The following KCNIP4 variants were observed in gnomAD, a reference collection of about 807,000 sequenced individuals.
KCNIP4 encodes the protein potassium voltage-gated channel interacting protein 4.
A neutral mutation model predicts 34.0 loss-of-function variants in KCNIP4; 12 were observed. The ratio of observed to expected loss-of-function variants is 0.35; its 90% CI spans 0.23 to 0.57. The LOEUF is 0.57. Ranked by LOEUF, KCNIP4 falls within the 20% of genes least tolerant of loss-of-function variation. The pLI, the probability that KCNIP4 is intolerant of heterozygous loss-of-function variation, is 0.83. For synonymous variants in KCNIP4, 124 were observed against 102.2 expected (o/e 1.21, Z -1.29); for missense variants, 238 against 311.7 (o/e 0.76, Z 1.78).
intron 1 of KCNIP4, among the ~76,000 whole-genome samples, chr4:21,081,064 C>T (rs1173670241): frequency 6.6e-6 from 1 of 151,666 alleles, no homozygotes; most frequent in Non-Finnish European, 1.5e-5. Flanking sequence ...AGTTATTAGC[C>T]CATAAACTGT....
chr4:21,935,961 A>ATT (rs1193248932), intron 1 of KCNIP4, among the ~76,000 whole-genome samples: 7 of 79,824 alleles, frequency 8.8e-5, no homozygotes, highest in Admixed American at 1.3e-4. Context: ...AGAAATGAAG[A>ATT]TTATATATAT....
chr4:21,651,885 C>T (rs956421580), intron 1 of KCNIP4, among the ~76,000 whole-genome samples: 1 of 151,748 alleles, frequency 6.6e-6, no homozygotes, highest in Admixed American at 6.6e-5. Flanking sequence ...ATATATATAG[C>T]TATGTAATAC....
chr4:21,057,674 C>T (rs1037145619), intron 1 of KCNIP4, among the ~76,000 whole-genome samples: 2 of 152,148 alleles, frequency 1.3e-5, no homozygotes, highest in Non-Finnish European at 2.9e-5. Context: ...CAAAATAACA[C>T]ATAGCACAGT....
chr4:21,725,424 A>C (rs1213999036), intron 1 of KCNIP4, among the ~76,000 whole-genome samples: 2 of 152,154 alleles, frequency 1.3e-5, no homozygotes, highest in Non-Finnish European at 2.9e-5. Context: ...TTGGTTACAA[A>C]GGCAGCAAAA....
intron 1 of KCNIP4, among the ~76,000 whole-genome samples, chr4:21,445,996 T>A (rs1727952303): frequency 1.3e-5 from 2 of 152,138 alleles, no homozygotes; most frequent in Non-Finnish European, 2.9e-5. Flanking sequence ...AAGAAGACAT[T>A]TATGCAGCCA....
intron 1 of KCNIP4, among the ~76,000 whole-genome samples, chr4:21,752,925 G>C (rs1004019426): frequency 6.6e-6 from 1 of 152,160 alleles, no homozygotes; most frequent in Non-Finnish European, 1.5e-5. Context: ...TCTCAGTTGA[G>C]ATACCCCTGC....
At chr4:20,855,985 G>C (rs570376259) in intron 2 of KCNIP4, among the ~76,000 whole-genome samples, 1 of 152,216 alleles carries the variant, frequency 6.6e-6, no homozygotes, top group East Asian at 1.9e-4. Context: ...AGGCACCTAG[G>C]CATTAACAAA....
chr4:21,037,770 T>C (rs1399154854), intron 1 of KCNIP4, among the ~76,000 whole-genome samples: 1 of 152,060 alleles, frequency 6.6e-6, no homozygotes, highest in Admixed American at 6.5e-5. Context: ...TTAAGAAGCT[T>C]GGCAGAAAAA....
chr4:21,416,495 C>T (rs919658976), intron 1 of KCNIP4, among the ~76,000 whole-genome samples: 3 of 152,100 alleles, frequency 2.0e-5, no homozygotes, highest in East Asian at 3.9e-4. Flanking sequence ...GCACAGCAAG[C>T]CACTGAGAAC....
At chr4:21,242,901 TG>T (rs1759952656) in intron 1 of KCNIP4, among the ~76,000 whole-genome samples, 1 of 151,710 alleles carries the variant, frequency 6.6e-6, no homozygotes, top group African/African-American at 2.4e-5. Flanking sequence ...TGTGTGTGTG[TG>T]TGTGTGTGTG....
chr4:20,955,601 C>T (rs1376908264), intron 1 of KCNIP4, among the ~76,000 whole-genome samples: 2 of 151,880 alleles, frequency 1.3e-5, no homozygotes, highest in Non-Finnish European at 2.9e-5. Flanking sequence ...CCCATTCAAT[C>T]CAAAATACTG....
At chr4:21,524,778 G>T (rs1181325654) in intron 1 of KCNIP4, among the ~76,000 whole-genome samples, 1 of 151,672 alleles carries the variant, frequency 6.6e-6, no homozygotes, top group Non-Finnish European at 1.5e-5. Flanking sequence ...AGTGCTGTCT[G>T]TTTGCTTGAC....
Position 20,749,749 on chromosome 4 carries a change from G to A in KCNIP4, c.359-17C>T. The A allele has an allele frequency of 1.3e-6, 2 of 1,565,496 alleles. No individual in the cohort carries two copies. The highest frequency in any genetic ancestry group is 1.8e-6 in the Non-Finnish European group (2 of 1,139,300). On this transcript the variant is annotated splice_polypyrimidine_tract_variant and intron_variant, in intron 4 of 8. Transcript: ENST00000382152. ...TTGTAGAGTCTGAAATGGTAAAAAG[G>A]GAGTATCATTAAGTCAGTGTTTCCA...
chr4:21,593,971 C>A (rs1408916051), intron 1 of KCNIP4, among the ~76,000 whole-genome samples: 1 of 152,016 alleles, frequency 6.6e-6, no homozygotes, highest in Non-Finnish European at 1.5e-5. Context: ...CTTCTGAACA[C>A]CTACCAGCCA....
At chr4:21,756,379 C>A (rs1007792064) in intron 1 of KCNIP4, among the ~76,000 whole-genome samples, 2 of 151,962 alleles carry the variant, frequency 1.3e-5, no homozygotes, top group African/African-American at 4.8e-5. Flanking sequence ...CATGATGAAA[C>A]CCCATGTCTA....
intron 1 of KCNIP4, among the ~76,000 whole-genome samples, chr4:21,714,258 C>A (rs28632151): frequency 6.6e-6 from 1 of 152,132 alleles, no homozygotes; most frequent in Non-Finnish European, 1.5e-5. Context: ...TCCCTCATAG[C>A]AGCTAGGAAC....
chr4:21,070,663 ATTTTTTTTTTTTT>A (rs1203011253), intron 1 of KCNIP4, among the ~76,000 whole-genome samples: 2 of 49,616 alleles, frequency 4.0e-5, no homozygotes, highest in Admixed American at 2.7e-4. Flanking sequence ...GAGTTTTGAG[ATTTTTTTTTTTTT>A]TTTTTTTTTT....
intron 1 of KCNIP4, among the ~76,000 whole-genome samples, chr4:21,067,670 G>T (rs1744527801): frequency 6.6e-6 from 1 of 152,150 alleles, no homozygotes; most frequent in Non-Finnish European, 1.5e-5. Context: ...AGTCACTGCA[G>T]GCCTTAGGTG....
chr4:21,933,175 T>G (rs1729668127), intron 1 of KCNIP4, among the ~76,000 whole-genome samples: 1 of 152,038 alleles, frequency 6.6e-6, no homozygotes, highest in South Asian at 2.1e-4. Context: ...TTGTCTTCTG[T>G]TTTTTGCTGG....
Sources: gnomAD v4.1 joint callset for allele counts (sites outside exome capture counted in the v4.1 genomes callset) on GRCh38, gnomAD v4.1.1 for gene constraint, MANE v1.5 for transcripts, NCBI Gene and HGNC (gene_info 2026-07-23, HGNC 2026-07-21) for gene names.